LARGE1: variants seen among roughly 807,000 people sequenced by gnomAD.
LARGE1 encodes the protein xylosyl- and glucuronyltransferase LARGE1.
In LARGE1, 43 loss-of-function variants were observed where a neutral mutation model predicts 87.6. That is an observed-to-expected ratio of 0.49 (90% CI 0.38 to 0.63). The LOEUF (loss-of-function observed/expected upper bound fraction) is 0.63, where lower values mean the gene tolerates loss of function less well. Ranked by LOEUF, LARGE1 falls within the 30% of genes least tolerant of loss-of-function variation. The pLI is 0.00. For synonymous variants in LARGE1, 434 were observed against 394.6 expected (o/e 1.10, Z -1.18); for missense variants, 802 against 1,000.2 (o/e 0.80, Z 2.67).
chr22:33,246,740 T>C (rs1490451699), intron 11 of LARGE1, among the ~76,000 whole-genome samples: 1 of 152,248 alleles, frequency 6.6e-6, no homozygotes, highest in Non-Finnish European at 1.5e-5. Flanking sequence ...ATTAAACCAC[T>C]GATAGGCGGA....
At chr22:33,735,151 T>C (rs1392181613) in intron 2 of LARGE1, among the ~76,000 whole-genome samples, 2 of 152,236 alleles carry the variant, frequency 1.3e-5, no homozygotes, top group African/African-American at 2.4e-5. Flanking sequence ...AGGCTGATCA[T>C]GAAAGAAGCT....
At chr22:33,870,198 C>T (rs1238775482) in intron 1 of LARGE1, among the ~76,000 whole-genome samples, 5 of 152,240 alleles carry the variant, frequency 3.3e-5, no homozygotes, top group East Asian at 1.9e-4. Context: ...CTTAGAGGGA[C>T]GCATCTACCA....
At chr22:33,916,527 A>G (rs988137285) in intron 1 of LARGE1, among the ~76,000 whole-genome samples, 2 of 152,190 alleles carry the variant, frequency 1.3e-5, no homozygotes, top group Non-Finnish European at 2.9e-5. Flanking sequence ...GAAATGCTGA[A>G]CACCTCTCAA....
At chr22:33,202,277 C>T (rs1376192298) in intron 11 of LARGE1, among the ~76,000 whole-genome samples, 1 of 152,122 alleles carries the variant, frequency 6.6e-6, no homozygotes, top group Non-Finnish European at 1.5e-5. Context: ...GAATATGATC[C>T]ACCGTTTCTG....
intron 10 of LARGE1, among the ~76,000 whole-genome samples, chr22:33,320,398 C>T (rs1936595071): frequency 6.6e-6 from 1 of 152,200 alleles, no homozygotes; most frequent in Admixed American, 6.5e-5. Context: ...TCTGTGAGAC[C>T]TCTGCAGATC....
At position 33,226,613 on chromosome 22, in the gene LARGE1, T is replaced by C. The variant is rs188213866; in HGVS notation, c.1731-59781A>G. 1.9e-3 allele frequency among the ~76,000 whole-genome samples: 282 copies of C among 152,298 alleles called. 2 individuals are homozygous for C. Among genetic ancestry groups the C allele is most frequent in the Non-Finnish European group, 3.0e-3 (207 of 68,018 alleles). On this transcript the variant is annotated intron_variant, in intron 11 of 11. Transcript: ENST00000608642. ...CAATTACAATTCCAACACCTTCTCA[T>C]TCTCTGGGCCTGACAAGAGGAAGCA...
rs144628735 is a variant in LARGE1, at chr22:33,510,239, G to C, written c.787+54609C>G. 5.4e-3 allele frequency among the ~76,000 whole-genome samples: 818 copies of C among 152,252 alleles called. 6 individuals are homozygous for C. Among genetic ancestry groups the C allele is most frequent in the African/African-American group, 0.019 (769 of 41,548 alleles). On this transcript the variant is annotated intron_variant, in intron 6 of 14. Coordinates refer to ENST00000397394, the MANE Select transcript of LARGE1 (RefSeq NM_133642.5). ...TTAATCCCTGCAGCCACCTTGTAAG[G>C]GGGTAGTGGTGATGACAGCAAATTC...
intron 4 of LARGE1, among the ~76,000 whole-genome samples, chr22:33,616,332 C>A (rs989925929): frequency 6.6e-6 from 1 of 151,844 alleles, no homozygotes; most frequent in African/African-American, 2.4e-5. Flanking sequence ...CATGGCGAAA[C>A]CCTGTCTCTC....
At chr22:33,504,591 A>G (rs929558271) in intron 6 of LARGE1, among the ~76,000 whole-genome samples, 1 of 152,220 alleles carries the variant, frequency 6.6e-6, no homozygotes, top group African/African-American at 2.4e-5. Context: ...CTAAAAGTTC[A>G]GACATTAGAG....
At chr22:33,452,972 G>A (rs116835272) in intron 6 of LARGE1, among the ~76,000 whole-genome samples, 2,191 of 152,302 alleles carry the variant, frequency 0.014, 62 homozygotes, top group African/African-American at 0.05. Context: ...TGTTTGAAAG[G>A]CAGCAAGGAA....
chr22:33,695,938 A>G (rs1159713382), intron 2 of LARGE1, among the ~76,000 whole-genome samples: 2 of 152,168 alleles, frequency 1.3e-5, no homozygotes, highest in Non-Finnish European at 2.9e-5. Context: ...TTTGTTATAG[A>G]TTGGTTCTTC....
chr22:33,095,942 CG>C, the LARGE1 span, among the ~76,000 whole-genome samples: 4 of 152,136 alleles, frequency 2.6e-5, no homozygotes, highest in South Asian at 8.3e-4. Context: ...TTTTGGAGTA[CG>C]GGAGTCCAGC....
the LARGE1 span, among the ~76,000 whole-genome samples, chr22:33,135,215 C>T: frequency 7.9e-3 from 1,199 of 152,182 alleles, 11 homozygotes; most frequent in African/African-American, 0.025. Context: ...GACTTGATGC[C>T]CCTCTGCCTG....
intron 1 of LARGE1, among the ~76,000 whole-genome samples, chr22:33,765,087 A>G (rs1382277218): frequency 6.6e-6 from 1 of 152,208 alleles, no homozygotes; most frequent in Non-Finnish European, 1.5e-5. Context: ...ATTTTTTTGC[A>G]TATAGCTGCT....
intron 11 of LARGE1, among the ~76,000 whole-genome samples, chr22:33,237,528 C>T (rs924448108): frequency 1.2e-4 from 18 of 150,888 alleles, no homozygotes; most frequent in Admixed American, 3.3e-4. Context: ...GCAACTAATA[C>T]ATTAAATCTA....
At chr22:33,769,612 T>A (rs1041982803) in intron 1 of LARGE1, among the ~76,000 whole-genome samples, 9 of 152,132 alleles carry the variant, frequency 5.9e-5, no homozygotes, top group Non-Finnish European at 7.4e-5. Context: ...TCCAAGTCCA[T>A]CTATGGAATG....
chr22:33,458,106 TTTTC>T (rs1219224116), intron 6 of LARGE1, among the ~76,000 whole-genome samples: 7 of 151,310 alleles, frequency 4.6e-5, no homozygotes, highest in Admixed American at 3.9e-4. Flanking sequence ...TGTCTAATTT[TTTTC>T]TTTTTTTTTT....
At chr22:33,729,994 G>A (rs1228871007) in intron 2 of LARGE1, among the ~76,000 whole-genome samples, 1 of 151,998 alleles carries the variant, frequency 6.6e-6, no homozygotes, top group Admixed American at 6.6e-5. Context: ...GCGTGTGTGT[G>A]TGCGTGCATG....
At chr22:33,142,207 A>C in the LARGE1 span, among the ~76,000 whole-genome samples, 3 of 152,196 alleles carry the variant, frequency 2.0e-5, no homozygotes, top group African/African-American at 7.2e-5. Context: ...CAGCCTTCCT[A>C]GTTAGCCAGG....
Sources: gnomAD v4.1 joint callset for allele counts (sites outside exome capture counted in the v4.1 genomes callset) on GRCh38, gnomAD v4.1.1 for gene constraint, MANE v1.5 for transcripts, NCBI Gene and HGNC (gene_info 2026-07-23, HGNC 2026-07-21) for gene names.